The following PCDHGB1 variants were observed in gnomAD, a reference collection of about 807,000 sequenced individuals.
PCDHGB1 encodes protocadherin gamma subfamily B, 1, also known as protocadherin gamma-B1.
In PCDHGB1, 34 loss-of-function variants were observed where a neutral mutation model predicts 56.6. The ratio of observed to expected loss-of-function variants is 0.60; its 90% confidence interval spans 0.46 to 0.80. PCDHGB1 has a LOEUF of 0.80. PCDHGB1 is among the 30% of genes least tolerant of loss of function. PCDHGB1 has a pLI of 0.00. For synonymous variants in PCDHGB1, 561 were observed against 505.9 expected, an observed-to-expected ratio of 1.11 and a Z score of -1.46; for missense variants, 1,278 against 1,204.6, an observed-to-expected ratio of 1.06 and a Z score of -0.90.
intron 1 of PCDHGB1, chr5:141,420,099 C>G: frequency 2.5e-6 from 4 of 1,613,996 alleles, no homozygotes; most frequent in Non-Finnish European, 3.4e-6. Context: ...AGTGAGGGAA[C>G]GTTGCCCTAT....
intron 3 of PCDHGB1, among the ~76,000 whole-genome samples, chr5:141,509,518 T>A (rs1441963133): frequency 6.6e-6 from 1 of 152,170 alleles, no homozygotes; most frequent in Non-Finnish European, 1.5e-5. Context: ...GTTGATGATG[T>A]ATTGCACAGG....
intron 2 of PCDHGB1, among the ~76,000 whole-genome samples, chr5:141,500,329 C>G (rs1384834356): frequency 6.6e-6 from 1 of 151,986 alleles, no homozygotes; most frequent in Non-Finnish European, 1.5e-5. Flanking sequence ...CTGCCTCAGC[C>G]TCCAGAATAG....
intron 1 of PCDHGB1, among the ~76,000 whole-genome samples, chr5:141,452,284 C>G (rs1182155879): frequency 6.6e-6 from 1 of 152,112 alleles, no homozygotes; most frequent in Non-Finnish European, 1.5e-5. Context: ...TTCTTACTTT[C>G]TGATATAAGA....
Position 141,422,343 on chromosome 5 carries a change from G to T in PCDHGB1, c.2409+69674G>T, listed in dbSNP as rs764862139. ...GTACAGTGATTGCTCTTCTAAATGT[G>T]CAAGATCAAGATTCTGGAGAAAATG... On this transcript the variant is annotated intron_variant, in intron 1 of 3. Transcript: ENST00000523390. 1.9e-6 allele frequency: 3 copies of T among 1,551,388 alleles called. No individual in the cohort carries two copies. The East Asian group carries it at 6.7e-5, about 35-fold the overall frequency.
intron 1 of PCDHGB1, chr5:141,395,206 A>T: frequency 1.9e-6 from 3 of 1,613,736 alleles, no homozygotes; most frequent in Non-Finnish European, 2.5e-6. Flanking sequence ...GTAGATTTTC[A>T]TGAATATAAG....
At chr5:141,422,167 A>G in intron 1 of PCDHGB1, 1 of 1,562,764 alleles carries the variant, frequency 6.4e-7, no homozygotes, top group Non-Finnish European at 8.6e-7. Context: ...TGAAAAATAT[A>G]GATTCTATGA....
At position 141,431,612 on chromosome 5, in the gene PCDHGB1, G is replaced by A. The variant is rs79883194; in HGVS notation, c.2410-63195G>A. 1.9e-6 allele frequency: 3 copies of A among 1,614,126 alleles called. No homozygotes were observed. The highest frequency in any genetic ancestry group is 2.5e-6 in the Non-Finnish European group (3 of 1,180,052). ...AGTGAGGTATTCCTTCCGGTATGTG[G>A]ACGACAAGGCGGCCCAAGTTTTCAA... On this transcript the variant is annotated intron_variant, in intron 1 of 3. Coordinates refer to ENST00000523390, the MANE Select transcript of PCDHGB1 (RefSeq NM_018922.3). This position sits in a 1 kb window ranked among gnomAD's most constrained non-coding sequence, Gnocchi z 4.8.
chr5:141,357,861 A>G (rs1390320754), intron 1 of PCDHGB1: 3 of 586,608 alleles, frequency 5.1e-6, no homozygotes, highest in Non-Finnish European at 8.7e-6. Context: ...AGAATTTTCT[A>G]ATTTTACAAC....
At chr5:141,364,103 C>CT (rs1452729364) in intron 1 of PCDHGB1, 1 of 411,008 alleles carries the variant, frequency 2.4e-6, no homozygotes, top group African/African-American at 2.1e-5. Flanking sequence ...GATGCAGTCA[C>CT]TGGTTAGGAC....
At chr5:141,388,020 G>A (rs549084224) in intron 1 of PCDHGB1, 32 of 1,459,094 alleles carry the variant, frequency 2.2e-5, no homozygotes, top group African/African-American at 7.1e-5. Context: ...CAAGGGCTCC[G>A]TAGTGGGGAA....
Position 141,489,172 on chromosome 5 carries a change from T to G in PCDHGB1, c.2410-5635T>G. 1 of 1,199,026 alleles carries G rather than the reference T, an allele frequency of 8.3e-7. No individual in the cohort carries two copies. Among genetic ancestry groups the G allele is most frequent in the East Asian group, 2.4e-5 (1 of 42,106 alleles). The allele number at this position is 1,199,026 out of a possible 1,614,324, so 74.3% of individuals were successfully genotyped here. ...ACATAAGAGACTTCAGCTGCTGCATTCCAAGCCCTGGGTCTACCTTGGAGA... is the reference window on the plus strand; with the variant it reads ...ACATAAGAGACTTCAGCTGCTGCATGCCAAGCCCTGGGTCTACCTTGGAGA... On this transcript the variant is annotated intron_variant, in intron 1 of 3. Coordinates refer to ENST00000523390, the MANE Select transcript of PCDHGB1 (RefSeq NM_018922.3). This position sits in a 1 kb window ranked among gnomAD's most constrained non-coding sequence, Gnocchi z 4.5.
At chr5:141,365,186 G>T in intron 1 of PCDHGB1, 1 of 1,613,880 alleles carries the variant, frequency 6.2e-7, no homozygotes, top group Non-Finnish European at 8.5e-7. Flanking sequence ...CAATGAAGAA[G>T]AAAAAATTTC....
At chr5:141,365,653 A>G in intron 1 of PCDHGB1, 4 of 1,613,620 alleles carry the variant, frequency 2.5e-6, no homozygotes, top group Non-Finnish European at 3.4e-6. Context: ...TCCCCTTGAA[A>G]GTAGCAGACG....
In PCDHGB1 at chr5:141,476,650, A is replaced by G. The variant is rs2099395609; in HGVS notation, c.2410-18157A>G. 6.2e-7 allele frequency: 1 copy of G among 1,614,126 alleles called. No individual in the cohort carries two copies. The highest frequency in any genetic ancestry group is 1.3e-5 in the African/African-American group (1 of 74,952). On this transcript the variant is annotated intron_variant, in intron 1 of 3. Transcript: ENST00000523390. This position sits in a 1 kb window ranked among gnomAD's most constrained non-coding sequence, Gnocchi z 7.6. Reference sequence around the variant, plus strand: ...AAACCTATGAGCTGAGCCGAAATGAATACTTTGCGCTTCGCGTGCAGACGC... The same window carrying G: ...AAACCTATGAGCTGAGCCGAAATGAGTACTTTGCGCTTCGCGTGCAGACGC...
intron 1 of PCDHGB1, among the ~76,000 whole-genome samples, chr5:141,464,702 G>T (rs934638404): frequency 1.3e-5 from 2 of 151,942 alleles, no homozygotes; most frequent in African/African-American, 2.4e-5. Context: ...TATGAATGAG[G>T]TTAAATAGTT....
Position 141,489,252 on chromosome 5 carries a change from G to A in PCDHGB1, c.2410-5555G>A. 2 of 1,547,622 alleles carry A rather than the reference G, an allele frequency of 1.3e-6. No individual in the cohort carries two copies. Among genetic ancestry groups the A allele is most frequent in the Non-Finnish European group, 1.7e-6 (2 of 1,147,198 alleles). On this transcript the variant is annotated intron_variant, in intron 1 of 3. Coordinates refer to ENST00000523390, the MANE Select transcript of PCDHGB1 (RefSeq NM_018922.3). The surrounding 1 kb of genome is among the most constrained non-coding windows in gnomAD (Gnocchi z 4.5). ...GGGACTTCTGGGTCATGGGGCCCAAGACACTCCCACAGCTCGCTGGGAAAT... is the reference window on the plus strand; with the variant it reads ...GGGACTTCTGGGTCATGGGGCCCAAAACACTCCCACAGCTCGCTGGGAAAT...
At chr5:141,415,552 G>A in intron 1 of PCDHGB1, 1 of 1,614,098 alleles carries the variant, frequency 6.2e-7, no homozygotes, top group Admixed American at 1.7e-5. Context: ...TGAGAAAAAC[G>A]ATCCTTTGTC....
chr5:141,427,504 C>A (rs755936092), intron 1 of PCDHGB1: 8 of 579,302 alleles, frequency 1.4e-5, no homozygotes, highest in Middle Eastern at 2.7e-4. Context: ...ACAGATGGGA[C>A]CCTGGATTGG....
At chr5:141,421,841 AAG>A in intron 1 of PCDHGB1, 1 of 1,613,750 alleles carries the variant, frequency 6.2e-7, no homozygotes. Context: ...GACCGAGAGA[AAG>A]AGGCTGCTCA....
Sources: gnomAD v4.1 joint callset for allele counts (sites outside exome capture counted in the v4.1 genomes callset) on GRCh38, gnomAD v4.1.1 for gene constraint, Gnocchi (gnomAD v3.1) non-coding constraint, MANE v1.5 for transcripts, NCBI Gene and HGNC (gene_info 2026-07-23, HGNC 2026-07-21) for gene names.